Variants in IFFO2 observed in about 807,000 individuals in gnomAD.
The protein encoded by IFFO2 is intermediate filament family orphan 2.
IFFO2 carries 19 observed loss-of-function variants against 53.5 expected under a neutral mutation model. The ratio of observed to expected loss-of-function variants is 0.36; its 90% CI spans 0.25 to 0.52. IFFO2 has a LOEUF of 0.52. IFFO2 is among the 20% of genes least tolerant of loss of function. IFFO2 has a pLI of 0.94. For synonymous variants in IFFO2, 303 were observed against 313.6 expected (o/e 0.97, Z 0.36); for missense variants, 570 against 727.4 (o/e 0.78, Z 2.49).
intron 1 of IFFO2, among the ~76,000 whole-genome samples, chr1:18,945,420 G>T (rs1384003029): frequency 6.6e-6 from 1 of 152,202 alleles, no homozygotes; most frequent in Non-Finnish European, 1.5e-5. Context: ...CCTGTCTGCT[G>T]GGGAACTTCA....
In IFFO2 at chr1:18,916,999, T is replaced by C; in HGVS notation, c.1007A>G (p.Asp336Gly). ...CACCTCCCCGTCCTGCTCAGAGATG[T>C]CATCATCGGAAGCCACCTTACGCTC... is the stretch of plus-strand genomic sequence containing the variant. ...KKERKVASDD[D>G]ISEQDGEVNR... The change falls in exon 5 of 9, where the codon GAC becomes GGC. Residue 336 changes from aspartate to glycine, a missense_variant. Physicochemically the swap from Asp to Gly is moderately conservative, Grantham distance 94. Transcript: ENST00000455833. This position sits in a 1 kb window ranked among gnomAD's most constrained non-coding sequence, Gnocchi z 4.3. 1 of 1,552,190 alleles carries C rather than the reference T, an allele frequency of 6.4e-7. No individual in the cohort carries two copies. The highest frequency in any genetic ancestry group is 8.7e-7 in the Non-Finnish European group (1 of 1,147,098).
Position 18,919,475 on chromosome 1 carries a change from C to A in IFFO2, c.822+203G>T, listed in dbSNP as rs1227507249. On this transcript the variant is annotated intron_variant, in intron 3 of 8. Transcript: ENST00000455833. The surrounding 1 kb of genome is among the most constrained non-coding windows in gnomAD (Gnocchi z 4.9). ...CAGATTAATGCATCTCTACTCAGAC[C>A]GAGGGAAGCAGAAGTGGGGAGGGGG... is the stretch of plus-strand genomic sequence containing the variant. 2.0e-5 allele frequency among the ~76,000 whole-genome samples: 3 copies of A among 146,682 alleles called. No individual in the cohort carries two copies. The highest frequency in any genetic ancestry group is 7.6e-5 in the African/African-American group (3 of 39,656).
chr1:18,949,742 C>A (rs958954529), intron 1 of IFFO2, among the ~76,000 whole-genome samples: 1 of 152,196 alleles, frequency 6.6e-6, no homozygotes, highest in Non-Finnish European at 1.5e-5. Context: ...CAGGACTGAA[C>A]GGAGAGTCTG....
intron 1 of IFFO2, among the ~76,000 whole-genome samples, chr1:18,937,883 T>C (rs1215305521): frequency 6.6e-6 from 1 of 152,242 alleles, no homozygotes; most frequent in African/African-American, 2.4e-5. Flanking sequence ...AGAGGGTCAC[T>C]AGCCCCAGCT....
chr1:18,931,516 A>C (rs754151004), intron 1 of IFFO2, among the ~76,000 whole-genome samples: 1 of 152,094 alleles, frequency 6.6e-6, no homozygotes, highest in Non-Finnish European at 1.5e-5. Context: ...TGATGTTCCC[A>C]GTCCTGAACC....
intron 8 of IFFO2, 56 bp from the exon 9 acceptor site, chr1:18,908,722 G>A: frequency 7.6e-7 from 1 of 1,308,808 alleles, no homozygotes; most frequent in South Asian, 1.3e-5. Flanking sequence ...CCTCTGAAGG[G>A]TCAAGGAGTG....
At chr1:18,925,832 A>T (rs1235572860) in intron 1 of IFFO2, among the ~76,000 whole-genome samples, 7 of 69,948 alleles carry the variant, frequency 1.0e-4, no homozygotes, top group African/African-American at 2.9e-4. Context: ...GGATGGATGG[A>T]TGGATGGATG....
Position 18,956,339 on chromosome 1 carries a change from G to T in IFFO2, c.-7C>A. On this transcript the variant is annotated 5_prime_UTR_variant, in exon 1 of 9. Transcript: ENST00000455833. The surrounding 1 kb of genome is among the most constrained non-coding windows in gnomAD (Gnocchi z 6.4). ...ACAGCAGCGAGTTCACCATGCGCCG[G>T]CTGCGCGGCTCAGGGCCCCGGGCCC... 3.2e-6 allele frequency: 1 copy of T among 309,578 alleles called. No homozygotes were observed. The highest frequency in any genetic ancestry group is 5.1e-6 in the Non-Finnish European group (1 of 195,752). 19.2% of individuals were successfully genotyped at this position (309,578 alleles called of 1,614,324 possible).
In IFFO2 at chr1:18,947,645, A is replaced by C. The variant is rs564216007; in HGVS notation, c.665+8023T>G. Among the ~76,000 whole-genome samples the C allele has an allele frequency of 2.0e-5, 3 of 149,976 alleles. No homozygotes were observed. Among genetic ancestry groups the C allele is most frequent in the South Asian group, 2.1e-4 (1 of 4,714 alleles). On this transcript the variant is annotated intron_variant, in intron 1 of 8. Transcript: ENST00000455833. The surrounding 1 kb of genome is among the most constrained non-coding windows in gnomAD (Gnocchi z 5.0). ...CATAATATGTGTTCCCTGTTCCCCA[A>C]CTCCTCCCCTGCCAGCCCTGCCAGC... is the stretch of plus-strand genomic sequence containing the variant.
At chr1:18,932,297 G>T (rs1318750256) in intron 1 of IFFO2, among the ~76,000 whole-genome samples, 1 of 152,236 alleles carries the variant, frequency 6.6e-6, no homozygotes, top group Non-Finnish European at 1.5e-5. Flanking sequence ...CAGGGTCTGA[G>T]AGAGCAGCAA....
intron 1 of IFFO2, among the ~76,000 whole-genome samples, chr1:18,940,604 G>C (rs1936507832): frequency 6.6e-6 from 1 of 152,030 alleles, no homozygotes; most frequent in African/African-American, 2.4e-5. Flanking sequence ...TGGATGGATG[G>C]ATGGACAGAC....
At chr1:18,931,617 T>A (rs1269619820) in intron 1 of IFFO2, among the ~76,000 whole-genome samples, 1 of 152,234 alleles carries the variant, frequency 6.6e-6, no homozygotes, top group African/African-American at 2.4e-5. Flanking sequence ...AGGGAAGAAT[T>A]TGCATTTATT....
intron 1 of IFFO2, among the ~76,000 whole-genome samples, chr1:18,926,585 C>A (rs1037841617): frequency 3.3e-5 from 5 of 152,316 alleles, no homozygotes; most frequent in Admixed American, 2.0e-4. Flanking sequence ...CCACCCCAGC[C>A]AGATGTGGTC....
intron 1 of IFFO2, among the ~76,000 whole-genome samples, chr1:18,932,445 C>A (rs1002412502): frequency 1.3e-5 from 2 of 152,220 alleles, no homozygotes; most frequent in Non-Finnish European, 2.9e-5. Context: ...CCTGACCCCC[C>A]CAGACTGGGA....
rs1250693569 is a variant in IFFO2, at chr1:18,956,030, G to A, written c.303C>T (p.Phe101=). The part of the protein sequence containing the change: ...ERERRLRYKT[F]SREQAVQTGP... ...CGGTCTGCACGGCCTGCTCGCGGGA[G>A]AAGGTCTTGTAGCGCAGCCGCCGCT... The change falls in exon 1 of 9, where the codon TTC becomes TTT. Residue 101 remains phenylalanine, a synonymous_variant. Coordinates refer to ENST00000455833, the MANE Select transcript of IFFO2 (RefSeq NM_001136265.2). The surrounding 1 kb of genome is among the most constrained non-coding windows in gnomAD (Gnocchi z 6.4). The A allele has an allele frequency of 2.1e-6, 3 of 1,451,876 alleles. No homozygotes were observed. The highest frequency in any genetic ancestry group is 2.2e-5 in the Admixed American group (1 of 45,874). 89.9% of individuals were successfully genotyped at this position (1,451,876 alleles called of 1,614,324 possible). A position where few individuals can be genotyped will look rare whatever the true frequency, so the allele number is the denominator to read the frequency against.
intron 5 of IFFO2, among the ~76,000 whole-genome samples, chr1:18,914,528 C>T (rs917883696): frequency 4.6e-5 from 7 of 152,146 alleles, no homozygotes; most frequent in South Asian, 4.2e-4. Context: ...TTCCAAAAGC[C>T]CCTATTGGCC....
At position 18,918,638 on chromosome 1, in the gene IFFO2, C is replaced by A; in HGVS notation, c.823-136G>T. 1 of 657,064 alleles carries A rather than the reference C, an allele frequency of 1.5e-6. No individual in the cohort carries two copies. The highest frequency in any genetic ancestry group is 2.4e-6 in the Non-Finnish European group (1 of 415,468). The allele number at this position is 657,064 out of a possible 1,614,324, so 40.7% of individuals were successfully genotyped here. A position where few individuals can be genotyped will look rare whatever the true frequency, so the allele number is the denominator to read the frequency against. The stretch of plus-strand genomic sequence containing the variant: ...CTCCAGAGTCCGAGGGTGCCTTGGG[C>A]TTTTCCGTGGAGTGGAGGGCTGCGG... On this transcript the variant is annotated intron_variant, in intron 3 of 8. Coordinates refer to ENST00000455833, the MANE Select transcript of IFFO2 (RefSeq NM_001136265.2). The surrounding 1 kb of genome is among the most constrained non-coding windows in gnomAD (Gnocchi z 5.2).
chr1:18,941,066 C>T (rs1205014445), intron 1 of IFFO2, among the ~76,000 whole-genome samples: 1 of 152,210 alleles, frequency 6.6e-6, no homozygotes, highest in Non-Finnish European at 1.5e-5. Flanking sequence ...CTAGCTTTGA[C>T]AAGGAACAAG....
chr1:18,931,891 C>T (rs542051049), intron 1 of IFFO2, among the ~76,000 whole-genome samples: 67 of 152,348 alleles, frequency 4.4e-4, no homozygotes, highest in Middle Eastern at 6.8e-3. Flanking sequence ...GTGCCACGGT[C>T]AGATGCACAG....
Sources: allele counts gnomAD v4.1 joint callset (sites outside exome capture counted in the v4.1 genomes callset), GRCh38; gene constraint gnomAD v4.1.1; non-coding constraint Gnocchi (gnomAD v3.1); transcripts MANE v1.5; gene names NCBI Gene and HGNC (gene_info 2026-07-23, HGNC 2026-07-21).